The following EPC2 variants were observed in gnomAD, a reference collection of about 807,000 sequenced individuals.
EPC2 encodes enhancer of polycomb 2.
Under a neutral mutation model 92.1 loss-of-function variants are expected in EPC2, and 14 were observed. The ratio of observed to expected loss-of-function variants is 0.15; its 90% CI spans 0.10 to 0.24. EPC2 has a LOEUF of 0.24. Ranked by LOEUF, EPC2 falls within the 10% of genes least tolerant of loss-of-function variation. The probability of loss-of-function intolerance (pLI) is 1.00; values close to 1 mark genes in which losing one functional copy is unlikely to be tolerated. For missense variants in EPC2, 755 were observed against 971.5 expected, an observed-to-expected ratio of 0.78 and a Z score of 2.96; for synonymous variants, 340 against 334.7, an observed-to-expected ratio of 1.02 and a Z score of -0.17.
intron 1 of EPC2, among the ~76,000 whole-genome samples, chr2:148,685,824 T>A (rs1681508201): frequency 6.6e-6 from 1 of 152,244 alleles, no homozygotes. Flanking sequence ...GTCTATTACG[T>A]ATGCACTAGC....
At chr2:148,768,699 A>AT (rs529809050) in intron 7 of EPC2, among the ~76,000 whole-genome samples, 26 of 151,476 alleles carry the variant, frequency 1.7e-4, no homozygotes, top group Admixed American at 1.1e-3. Flanking sequence ...TGTTGTGGTG[A>AT]TTTTTTTTGG....
In EPC2 at chr2:148,753,978, A is replaced by T. The variant is rs764961916; in HGVS notation, c.511A>T (p.Ile171Phe). 23 of 1,612,210 alleles carry T rather than the reference A, an allele frequency of 1.4e-5. No homozygotes were observed. The South Asian group carries it at 2.5e-4, about 18-fold the overall frequency. Residue 171 changes from isoleucine (I) to phenylalanine (F), a missense_variant, in exon 4 of 14, where the codon ATT becomes TTT. Physicochemically the swap from Ile to Phe is conservative, Grantham distance 21. Around this residue, in one of 4 missense-constraint regions of EPC2, gnomAD observed 509 missense variants for 607.7 expected, o/e 0.84. Transcript: ENST00000258484. ...KLLLNEDDYL[I>F]KAVYDYWVRK... ...GCTGCTAAACGAAGATGATTACCTT[A>T]TTAAAGCTGTATATGACTACTGGGT...
chr2:148,672,318 C>G (rs1681170198), intron 1 of EPC2, among the ~76,000 whole-genome samples: 1 of 152,130 alleles, frequency 6.6e-6, no homozygotes, highest in African/African-American at 2.4e-5. Flanking sequence ...CATCTTTTCA[C>G]TTTCAGGCTA....
chr2:148,775,775 C>CTTT lies in EPC2; in HGVS notation c.1720+4406_1720+4408dup, dbSNP rs70995334. Among the ~76,000 whole-genome samples the CTTT allele has an allele frequency of 1.3e-3, 117 of 92,300 alleles. 6 individuals carry two copies. Among genetic ancestry groups the CTTT allele is most frequent in the African/African-American group, 3.0e-3 (65 of 21,854 alleles). 60.6% of individuals were successfully genotyped at this position (92,300 alleles called of 152,430 possible). A position where few individuals can be genotyped will look rare whatever the true frequency, so the allele number is the denominator to read the frequency against. On this transcript the variant is annotated intron_variant, in intron 10 of 13. Transcript: ENST00000258484. ...TAAAGAAATATTACCAATTTCTTTT[C>CTTT]TTTTTTTTTTTTTTTTTTTTGAGAT...
chr2:148,732,959 TTTTTTTTC>T (rs1291473842), intron 2 of EPC2, among the ~76,000 whole-genome samples: 4 of 148,034 alleles, frequency 2.7e-5, no homozygotes, highest in Admixed American at 6.7e-5. Flanking sequence ...TTTTTTTTTT[TTTTTTTTC>T]CAGTTAATAA....
intron 11 of EPC2, among the ~76,000 whole-genome samples, chr2:148,782,169 G>C (rs1471555732): frequency 1.3e-5 from 2 of 152,058 alleles, no homozygotes; most frequent in African/African-American, 4.8e-5. Context: ...CCATGAGCTG[G>C]GCAGTAATTC....
At position 148,754,147 on chromosome 2, in the gene EPC2, T is replaced by G. The variant is rs555711140; in HGVS notation, c.666+14T>G. The G allele has an allele frequency of 3.8e-6, 6 of 1,567,490 alleles. No homozygotes were observed. In the Admixed American group the frequency reaches 7.6e-5, roughly 20 times the overall value. On this transcript the variant is annotated intron_variant, in intron 4 of 13. Transcript: ENST00000258484. ...CAAACTCGAAAGGTAATGTGCAAAT[T>G]AGGTTTCATTGAAGGTAGCTTAATA...
Position 148,690,323 on chromosome 2 carries a change from G to T in EPC2, c.263G>T (p.Arg88Leu), listed in dbSNP as rs745561635. Residue 88 changes from arginine to leucine, a missense_variant, in exon 2 of 14, where the codon CGC (arginine) becomes CTC (leucine). Arg to Leu is a moderately radical substitution (Grantham distance 102, BLOSUM62 -2). Transcript: ENST00000258484. ...GAGAGCAACGTCAACTATTACAATC[G>T]CTTGTACAAAGGAGAGTTTAAACAG... ...EAESNVNYYN[R>L]LYKGEFKQPK... 4.3e-6 allele frequency: 7 copies of T among 1,611,582 alleles called. No individual in the cohort carries two copies. The highest frequency in any genetic ancestry group is 5.9e-6 in the Non-Finnish European group (7 of 1,179,166).
intron 10 of EPC2, among the ~76,000 whole-genome samples, chr2:148,772,424 G>T (rs1414090631): frequency 6.6e-6 from 1 of 152,056 alleles, no homozygotes; most frequent in East Asian, 1.9e-4. Context: ...TTTCCTGGAT[G>T]ATGCATTCTA....
intron 11 of EPC2, among the ~76,000 whole-genome samples, chr2:148,782,503 C>G (rs907934670): frequency 9.2e-5 from 14 of 151,824 alleles, no homozygotes; most frequent in Non-Finnish European, 2.9e-5. Context: ...CACCACTGCA[C>G]TCCAGCCTGG....
At chr2:148,760,746 CTA>C (rs1392546876) in intron 4 of EPC2, among the ~76,000 whole-genome samples, 1 of 152,036 alleles carries the variant, frequency 6.6e-6, no homozygotes, top group Admixed American at 6.5e-5. Context: ...TAATATATGA[CTA>C]TTATTTTTCA....
intron 1 of EPC2, among the ~76,000 whole-genome samples, chr2:148,649,222 CA>C (rs1279150200): frequency 6.6e-6 from 1 of 151,924 alleles, no homozygotes; most frequent in African/African-American, 2.4e-5. Context: ...ACTTTACATA[CA>C]AAAAAAGTAC....
chr2:148,664,115 A>G (rs1681012343), intron 1 of EPC2, among the ~76,000 whole-genome samples: 1 of 152,214 alleles, frequency 6.6e-6, no homozygotes, highest in African/African-American at 2.4e-5. Flanking sequence ...GTTGTGTATT[A>G]CATGGAATTT....
intron 10 of EPC2, among the ~76,000 whole-genome samples, chr2:148,778,748 C>A (rs1269189262): frequency 6.6e-6 from 1 of 152,054 alleles, no homozygotes; most frequent in Non-Finnish European, 1.5e-5. Context: ...TAATAATAAA[C>A]AGTGCTCTAG....
chr2:148,771,900 G>A (rs1683529461), intron 10 of EPC2, among the ~76,000 whole-genome samples: 3 of 151,790 alleles, frequency 2.0e-5, no homozygotes, highest in Admixed American at 6.6e-5. Context: ...CCGGGTTCAA[G>A]CGATTCTCCT....
At chr2:148,655,919 T>C (rs1169515673) in intron 1 of EPC2, among the ~76,000 whole-genome samples, 1 of 150,066 alleles carries the variant, frequency 6.7e-6, no homozygotes. Context: ...ATATAAAAAT[T>C]TAACAGCACA....
chr2:148,656,512 T>A (rs1279058589), intron 1 of EPC2, among the ~76,000 whole-genome samples: 1 of 152,192 alleles, frequency 6.6e-6, no homozygotes, highest in African/African-American at 2.4e-5. Context: ...GCCATCCTAT[T>A]CAGGTATCAT....
At chr2:148,658,050 A>G (rs1680843099) in intron 1 of EPC2, among the ~76,000 whole-genome samples, 3 of 152,120 alleles carry the variant, frequency 2.0e-5, no homozygotes, top group Admixed American at 2.0e-4. Flanking sequence ...GCTCCAAGGG[A>G]CATAATAGGG....
intron 3 of EPC2, among the ~76,000 whole-genome samples, chr2:148,749,402 C>T (rs1285776268): frequency 6.6e-6 from 1 of 151,890 alleles, no homozygotes; most frequent in Admixed American, 6.6e-5. Flanking sequence ...TTGACTGATA[C>T]ATGTTCTCAA....
Sources: allele counts gnomAD v4.1 joint callset (sites outside exome capture counted in the v4.1 genomes callset), GRCh38; gene constraint gnomAD v4.1.1; regional missense constraint gnomAD v4.1.1; transcripts MANE v1.5; gene names NCBI Gene and HGNC (gene_info 2026-07-23, HGNC 2026-07-21).